BEND7: variants seen among roughly 807,000 people sequenced by gnomAD.
BEND7 encodes BEN domain containing 7, also known as BEN domain-containing protein 7.
BEND7 carries 28 observed loss-of-function variants against 50.9 expected under a neutral mutation model. The ratio of observed to expected loss-of-function variants is 0.55; its 90% CI spans 0.41 to 0.75. The LOEUF (loss-of-function observed/expected upper bound fraction) is 0.75. Ranked by LOEUF, BEND7 falls within the 30% of genes least tolerant of loss-of-function variation. BEND7 has a pLI of 0.00. For missense variants in BEND7, 477 were observed against 491.3 expected, an observed-to-expected ratio of 0.97 and a Z score of 0.28; for synonymous variants, 170 against 183.9, an observed-to-expected ratio of 0.92 and a Z score of 0.61.
intron 2 of BEND7, among the ~76,000 whole-genome samples, chr10:13,510,453 A>T (rs1341915502): frequency 6.6e-6 from 1 of 152,238 alleles, no homozygotes; most frequent in East Asian, 1.9e-4. Flanking sequence ...CTACCTATGA[A>T]TATTCACTAC....
At chr10:13,524,628 G>C (rs1185565355) in intron 2 of BEND7, among the ~76,000 whole-genome samples, 4 of 86,078 alleles carry the variant, frequency 4.6e-5, no homozygotes, top group African/African-American at 1.4e-4. Flanking sequence ...TGGATAAAAA[G>C]AGTGAACCTC....
At chr10:13,500,385 G>C (rs543649411) in intron 2 of BEND7, 158 of 520,788 alleles carry the variant, frequency 3.0e-4, no homozygotes, top group African/African-American at 3.0e-3. Context: ...TTCTGAATGA[G>C]TAGGTGATGA....
intron 3 of BEND7, 154 bp downstream of exon 3, chr10:13,499,624 C>G: frequency 1.1e-6 from 1 of 925,230 alleles, no homozygotes; most frequent in Non-Finnish European, 1.5e-6. Flanking sequence ...GTCTTCAACT[C>G]TTTCCTTTGT....
intron 4 of BEND7, among the ~76,000 whole-genome samples, chr10:13,494,197 T>C (rs1031647427): frequency 6.6e-6 from 1 of 152,122 alleles, no homozygotes; most frequent in African/African-American, 2.4e-5. Context: ...GGTGGGCGGA[T>C]CACGAGGTCA....
chr10:13,478,322 C>G (rs1588845940), intron 6 of BEND7, among the ~76,000 whole-genome samples: 2 of 152,246 alleles, frequency 1.3e-5, no homozygotes, highest in East Asian at 3.9e-4. Flanking sequence ...AGAGAGAACC[C>G]CTCCCTGCAT....
intron 8 of BEND7, chr10:13,443,905 A>T (rs1244039108): frequency 6.6e-6 from 1 of 152,234 alleles, no homozygotes; most frequent in Non-Finnish European, 1.5e-5. Context: ...GGGTGGTAAA[A>T]GCAATTGAAA....
chr10:13,442,763 G>C (rs1835524978), intron 8 of BEND7: 1 of 152,086 alleles, frequency 6.6e-6, no homozygotes, highest in South Asian at 2.1e-4. Flanking sequence ...TTAGGTGAAA[G>C]GTTTTTCTTT....
Position 13,504,830 on chromosome 10 carries a change from T to C in BEND7, c.146-4750A>G, listed in dbSNP as rs959612283. Among the ~76,000 whole-genome samples, 8 of 152,180 alleles carry C rather than the reference T, an allele frequency of 5.3e-5. 1 individual carries two copies. The highest frequency in any genetic ancestry group is 7.3e-5 in the Non-Finnish European group (5 of 68,028). ...TAGTAACTATACTCCTTGGACAAGA[T>C]CTAAAAAGATTGTATGCTGGATTCT... On this transcript the variant is annotated intron_variant, in intron 2 of 8. Transcript: ENST00000466271.
At chr10:13,489,307 C>T (rs1229120764) in intron 5 of BEND7, among the ~76,000 whole-genome samples, 1 of 152,182 alleles carries the variant, frequency 6.6e-6, no homozygotes, top group Admixed American at 6.5e-5. Flanking sequence ...TAAAAAGAAA[C>T]AACTGCCACA....
At chr10:13,497,436 G>A (rs976995302) in intron 3 of BEND7, among the ~76,000 whole-genome samples, 2 of 152,192 alleles carry the variant, frequency 1.3e-5, no homozygotes, top group Non-Finnish European at 2.9e-5. Flanking sequence ...TTTGGGGTGG[G>A]GAAGCACAGA....
chr10:13,485,040 A>C (rs2076120857), intron 5 of BEND7, among the ~76,000 whole-genome samples: 1 of 152,176 alleles, frequency 6.6e-6, no homozygotes, highest in Non-Finnish European at 1.5e-5. Flanking sequence ...GCTGGGGTTA[A>C]GATCTAGTTT....
chr10:13,481,193 A>G (rs1263691420), intron 5 of BEND7, 69 bp from the exon 6 acceptor site: 1 of 1,411,562 alleles, frequency 7.1e-7, no homozygotes, highest in Non-Finnish European at 9.8e-7. Flanking sequence ...TACATGAGCA[A>G]CAAAAAAACA....
chr10:13,503,720 C>CAA (rs972749879), intron 2 of BEND7, among the ~76,000 whole-genome samples: 8 of 152,126 alleles, frequency 5.3e-5, no homozygotes, highest in African/African-American at 1.9e-4. Flanking sequence ...TCAAAACAAA[C>CAA]AAACAAACAA....
chr10:13,513,135 C>A (rs1049169635), intron 2 of BEND7, among the ~76,000 whole-genome samples: 4 of 152,164 alleles, frequency 2.6e-5, no homozygotes, highest in Admixed American at 6.5e-5. Context: ...TCTTCTTCTT[C>A]TTATTGCTAT....
intron 6 of BEND7, among the ~76,000 whole-genome samples, chr10:13,454,362 T>C (rs1440319638): frequency 6.6e-6 from 1 of 152,124 alleles, no homozygotes; most frequent in Non-Finnish European, 1.5e-5. Flanking sequence ...TTTCAACACT[T>C]TATGAGGCTA....
intron 2 of BEND7, among the ~76,000 whole-genome samples, chr10:13,513,761 T>G (rs562029442): frequency 6.6e-6 from 1 of 152,184 alleles, no homozygotes; most frequent in South Asian, 2.1e-4. Context: ...CTCCATGGAG[T>G]GCCAATATCC....
intron 6 of BEND7, among the ~76,000 whole-genome samples, chr10:13,479,143 AC>A (rs2075677709): frequency 1.3e-5 from 2 of 151,808 alleles, no homozygotes; most frequent in African/African-American, 2.4e-5. Context: ...AGTAGCTGGG[AC>A]TACAGGTGTG....
In BEND7 at chr10:13,441,595, G is replaced by A; in HGVS notation, c.*148C>T. The A allele has an allele frequency of 1.3e-6, 2 of 1,500,824 alleles. No individual in the cohort carries two copies. The highest frequency in any genetic ancestry group is 1.8e-6 in the Non-Finnish European group (2 of 1,125,150). 93.0% of individuals were successfully genotyped at this position (1,500,824 alleles called of 1,614,324 possible). A position where few individuals can be genotyped will look rare whatever the true frequency, so the allele number is the denominator to read the frequency against. ...GAAGTTAGCGTTTCTGCCTTGACCAGCAACATACTCATCCTATTTTAACAC... is the reference window on the plus strand; with the variant it reads ...GAAGTTAGCGTTTCTGCCTTGACCAACAACATACTCATCCTATTTTAACAC... On this transcript the variant is annotated 3_prime_UTR_variant, in exon 9 of 9. Transcript: ENST00000466271.
In BEND7 at chr10:13,456,794, G is replaced by A. The variant is rs1839070762; in HGVS notation, c.1064-4136C>T. On this transcript the variant is annotated intron_variant, in intron 6 of 8. Transcript: ENST00000466271. Reference sequence around the variant, plus strand: ...ATAAGCAAACATATTTTCCACTTTTGTTTCTAATGGAAGGAAATACATTAG... The same window carrying A: ...ATAAGCAAACATATTTTCCACTTTTATTTCTAATGGAAGGAAATACATTAG... 3.3e-5 allele frequency among the ~76,000 whole-genome samples: 5 copies of A among 152,246 alleles called. No individual in the cohort carries two copies. The South Asian group carries it at 1.0e-3, about 32-fold the overall frequency.
Sources: allele counts gnomAD v4.1 joint callset (sites outside exome capture counted in the v4.1 genomes callset), GRCh38; gene constraint gnomAD v4.1.1; transcripts MANE v1.5; gene names NCBI Gene and HGNC (gene_info 2026-07-23, HGNC 2026-07-21).